Variants in KCNN3 observed in about 807,000 individuals in gnomAD.
KCNN3 encodes the protein small conductance calcium-activated potassium channel protein 3.
A neutral mutation model predicts 62.9 loss-of-function variants in KCNN3; 16 were observed. The observed-to-expected ratio is 0.25, with a 90% confidence interval of 0.17 to 0.39. The LOEUF (loss-of-function observed/expected upper bound fraction) is 0.39. Among genes scored for constraint, KCNN3 ranks in the 10% least tolerant of loss-of-function variants. KCNN3 has a pLI of 1.00. For missense variants in KCNN3, 599 were observed against 949.4 expected (o/e 0.63, Z 4.85); for synonymous variants, 370 against 389.2 (o/e 0.95, Z 0.58).
chr1:154,713,353 C>T, intron 7 of KCNN3, 111 bp downstream of exon 7: 3 of 840,818 alleles, frequency 3.6e-6, no homozygotes. Flanking sequence ...TTTTTCTTTG[C>T]TTGCCTGGTC....
rs1699913885 is a variant in KCNN3, at chr1:154,703,823, G to A, written c.*4153C>T. On this transcript the variant is annotated 3_prime_UTR_variant, in exon 8 of 8. Coordinates refer to ENST00000271915, the MANE Select transcript of KCNN3 (RefSeq NM_002249.6). ...TCAAGGTGTGATCTAGATACAGTCA[G>A]TCTGGGCTGCTGTTGATGACAAAGG... 2 of 152,186 alleles carry A rather than the reference G, an allele frequency of 1.3e-5. No individual in the cohort carries two copies. Among genetic ancestry groups the A allele is most frequent in the Admixed American group, 6.5e-5 (1 of 15,284 alleles). The allele number at this position is 152,186 out of a possible 1,614,324, so 9.4% of individuals were successfully genotyped here.
At chr1:154,743,102 G>A (rs1700859753) in intron 3 of KCNN3, among the ~76,000 whole-genome samples, 1 of 151,780 alleles carries the variant, frequency 6.6e-6, no homozygotes, top group South Asian at 2.1e-4. Flanking sequence ...GGCCACCCTG[G>A]ACCAGCCCCA....
intron 1 of KCNN3, among the ~76,000 whole-genome samples, chr1:154,856,541 G>A (rs1264371306): frequency 6.6e-6 from 1 of 152,092 alleles, no homozygotes; most frequent in East Asian, 1.9e-4. Context: ...ACAAAACAGA[G>A]GACCAGAAAC....
chr1:154,864,482 G>T, intron 1 of KCNN3, among the ~76,000 whole-genome samples: 1 of 152,252 alleles, frequency 6.6e-6, no homozygotes, highest in Non-Finnish European at 1.5e-5. Flanking sequence ...TGGTCTAGAG[G>T]CTGGGGATGG....
intron 7 of KCNN3, among the ~76,000 whole-genome samples, chr1:154,711,529 G>T (rs577946156): frequency 6.6e-6 from 1 of 151,964 alleles, no homozygotes; most frequent in South Asian, 2.1e-4. Context: ...AGAAAGTTTG[G>T]TTTGCCTCAT....
At chr1:154,816,504 C>T (rs1307603068) in intron 2 of KCNN3, among the ~76,000 whole-genome samples, 2 of 152,196 alleles carry the variant, frequency 1.3e-5, no homozygotes, top group African/African-American at 2.4e-5. Flanking sequence ...GATGTAGGGA[C>T]GGCACCTCCC....
At chr1:154,755,854 AGG>A (rs1647655241) in intron 3 of KCNN3, among the ~76,000 whole-genome samples, 1 of 141,804 alleles carries the variant, frequency 7.1e-6, no homozygotes, top group Non-Finnish European at 1.5e-5. Flanking sequence ...AGAAGGAAGA[AGG>A]AAGAAGAAGG....
At chr1:154,777,389 G>A (rs1469620486) in intron 2 of KCNN3, among the ~76,000 whole-genome samples, 2 of 152,128 alleles carry the variant, frequency 1.3e-5, no homozygotes, top group Non-Finnish European at 2.9e-5. Context: ...GCGGATGACT[G>A]TGTCATATGA....
chr1:154,746,377 G>A (rs868360650), intron 3 of KCNN3, among the ~76,000 whole-genome samples: 2 of 152,146 alleles, frequency 1.3e-5, no homozygotes, highest in African/African-American at 4.8e-5. Flanking sequence ...AGAAGGCTGA[G>A]GTGAGTTGGA....
At chr1:154,714,540 T>G (rs866438258) in intron 6 of KCNN3, among the ~76,000 whole-genome samples, 18 of 45,924 alleles carry the variant, frequency 3.9e-4, no homozygotes, top group Non-Finnish European at 7.5e-4. Context: ...GTGGTGTGTG[T>G]GGGGTGTGTG....
At chr1:154,817,720 A>G (rs779377663) in intron 2 of KCNN3, among the ~76,000 whole-genome samples, 1 of 152,200 alleles carries the variant, frequency 6.6e-6, no homozygotes, top group Non-Finnish European at 1.5e-5. Context: ...AGGGCCATTC[A>G]TTAGAGCCAT....
At chr1:154,726,438 A>T (rs547546997) in intron 4 of KCNN3, among the ~76,000 whole-genome samples, 2 of 152,204 alleles carry the variant, frequency 1.3e-5, no homozygotes, top group Non-Finnish European at 2.9e-5. Flanking sequence ...TCCCACTGCC[A>T]GCTCTAGACC....
At chr1:154,801,791 C>T (rs545821362) in intron 2 of KCNN3, among the ~76,000 whole-genome samples, 5 of 152,166 alleles carry the variant, frequency 3.3e-5, no homozygotes, top group Non-Finnish European at 5.9e-5. Context: ...AGAGCTGACA[C>T]CCCCGGAGGA....
At chr1:154,822,277 C>T (rs1471548181) in intron 1 of KCNN3, 93 bp from the exon 2 acceptor site, 14 of 925,122 alleles carry the variant, frequency 1.5e-5, no homozygotes, top group Non-Finnish European at 2.5e-5. Flanking sequence ...GGGGTGGGGA[C>T]ACAGGAGGGA....
At position 154,766,871 on chromosome 1, in the gene KCNN3, G is replaced by A. The variant is rs575454581; in HGVS notation, c.1448+5104C>T. 7.2e-5 allele frequency among the ~76,000 whole-genome samples: 11 copies of A among 151,880 alleles called. No individual in the cohort carries two copies. In the East Asian group the frequency reaches 1.6e-3, roughly 21 times the overall value. On this transcript the variant is annotated intron_variant, in intron 3 of 7. Coordinates refer to ENST00000271915, the MANE Select transcript of KCNN3 (RefSeq NM_002249.6). ...ATTTTTTTGTATTTTTAGTAGAGAC[G>A]GGGGTTTCACCGTGTTAGCCAGGAT...
rs562275263 is a variant in KCNN3, at chr1:154,825,975, G to A, written c.934-3791C>T. Among the ~76,000 whole-genome samples, 3 of 151,170 alleles carry A rather than the reference G, an allele frequency of 2.0e-5. No individual in the cohort carries two copies. The South Asian group carries it at 6.3e-4, about 32-fold the overall frequency. On this transcript the variant is annotated intron_variant, in intron 1 of 7. Coordinates refer to ENST00000271915, the MANE Select transcript of KCNN3 (RefSeq NM_002249.6). ...AGGCAGGAGAACGGCATGAACCCGGGAGGCGGAGCTTGCAGTGAGCCGAGA... is the reference window on the plus strand; with the variant it reads ...AGGCAGGAGAACGGCATGAACCCGGAAGGCGGAGCTTGCAGTGAGCCGAGA...
intron 1 of KCNN3, among the ~76,000 whole-genome samples, chr1:154,852,210 C>CTT (rs35319660): frequency 2.1e-4 from 31 of 150,054 alleles, no homozygotes; most frequent in African/African-American, 3.2e-4. Context: ...TGAATCTATT[C>CTT]TTTTTTTTTT....
chr1:154,715,284 A>G (rs1181032818), intron 5 of KCNN3, among the ~76,000 whole-genome samples: 2 of 151,992 alleles, frequency 1.3e-5, no homozygotes, highest in Admixed American at 1.3e-4. Flanking sequence ...AAAAAATACA[A>G]ACTTAGCCAG....
chr1:154,705,864 G>A lies in KCNN3; in HGVS notation c.*2112C>T, dbSNP rs925335595. On this transcript the variant is annotated 3_prime_UTR_variant, in exon 8 of 8. Transcript: ENST00000271915. Reference sequence around the variant, plus strand: ...ACCAGTGGTCTTCACTTTGTGAAATGGAACTAATGCCACAAGGAAACTGCA... The same window carrying A: ...ACCAGTGGTCTTCACTTTGTGAAATAGAACTAATGCCACAAGGAAACTGCA... 1 of 152,166 alleles carries A rather than the reference G, an allele frequency of 6.6e-6. No individual in the cohort carries two copies. Among genetic ancestry groups the A allele is most frequent in the African/African-American group, 2.4e-5 (1 of 41,436 alleles). 9.4% of individuals were successfully genotyped at this position (152,166 alleles called of 1,614,324 possible).
Sources: allele counts gnomAD v4.1 joint callset (sites outside exome capture counted in the v4.1 genomes callset), GRCh38; gene constraint gnomAD v4.1.1; transcripts MANE v1.5; gene names NCBI Gene and HGNC (gene_info 2026-07-23, HGNC 2026-07-21).